The following PHACTR1 variants were observed in gnomAD, a reference collection of about 807,000 sequenced individuals.
PHACTR1 encodes phosphatase and actin regulator 1.
Under a neutral mutation model 69.2 loss-of-function variants are expected in PHACTR1, and 16 were observed. The ratio of observed to expected loss-of-function variants is 0.23; its 90% CI spans 0.16 to 0.35. The LOEUF is 0.35. Ranked by LOEUF, PHACTR1 falls within the 10% of genes least tolerant of loss-of-function variation. The pLI, the probability that PHACTR1 is intolerant of heterozygous loss-of-function variation, is 1.00. For missense variants in PHACTR1, 510 were observed against 734.7 expected, an observed-to-expected ratio of 0.69 and a Z score of 3.54; for synonymous variants, 312 against 284.5, an observed-to-expected ratio of 1.10 and a Z score of -0.97.
At chr6:13,271,436 A>G (rs1338970496) in intron 10 of PHACTR1, among the ~76,000 whole-genome samples, 1 of 152,134 alleles carries the variant, frequency 6.6e-6, no homozygotes, top group Non-Finnish European at 1.5e-5. Flanking sequence ...CACAGAAGCA[A>G]TTGATTCTGG....
chr6:12,970,920 A>G (rs938069618), intron 4 of PHACTR1, among the ~76,000 whole-genome samples: 2 of 152,234 alleles, frequency 1.3e-5, no homozygotes, highest in Non-Finnish European at 2.9e-5. Flanking sequence ...TGGGTAGCTC[A>G]TGTGCATGAA....
At chr6:13,061,644 C>T (rs764314029) in intron 5 of PHACTR1, among the ~76,000 whole-genome samples, 42 of 152,108 alleles carry the variant, frequency 2.8e-4, no homozygotes, top group Non-Finnish European at 4.9e-4. Flanking sequence ...ATTCAAAACA[C>T]GGTAAATGAT....
chr6:12,913,939 G>A (rs544787213), intron 4 of PHACTR1, among the ~76,000 whole-genome samples: 1 of 152,156 alleles, frequency 6.6e-6, no homozygotes. Context: ...TGAGTGGTCT[G>A]AGACAACTTC....
rs976762530 is a variant in PHACTR1 at position 12,925,156 on chromosome 6, A to G, written c.251-128209A>G. ...ATATACAATCGAATATCTCATAAGA[A>G]ATGTGCAATGCAAACTTCAAGAACA... On this transcript the variant is annotated intron_variant, in intron 4 of 14. Transcript: ENST00000332995. Among the ~76,000 whole-genome samples, 5 of 152,258 alleles carry G rather than the reference A, an allele frequency of 3.3e-5. No individual in the cohort carries two copies. In the East Asian group the frequency reaches 9.6e-4, roughly 29 times the overall value.
chr6:13,171,003 A>C (rs998689242), intron 6 of PHACTR1, among the ~76,000 whole-genome samples: 1 of 152,132 alleles, frequency 6.6e-6, no homozygotes, highest in Non-Finnish European at 1.5e-5. Flanking sequence ...TAAAGGACAT[A>C]ATCCCGTTTG....
intron 5 of PHACTR1, among the ~76,000 whole-genome samples, chr6:13,061,042 C>T (rs1039816096): frequency 6.6e-6 from 1 of 152,152 alleles, no homozygotes; most frequent in Non-Finnish European, 1.5e-5. Flanking sequence ...TCATGCCTCT[C>T]TCCTCCCTGC....
At chr6:13,177,176 A>T (rs1486539018) in intron 6 of PHACTR1, among the ~76,000 whole-genome samples, 1 of 56,452 alleles carries the variant, frequency 1.8e-5, no homozygotes, top group African/African-American at 3.7e-5. Context: ...CATCTCTAAA[A>T]AAAAAAAAAA....
chr6:12,823,021 A>C (rs1371512943), intron 4 of PHACTR1, among the ~76,000 whole-genome samples: 1 of 152,190 alleles, frequency 6.6e-6, no homozygotes, highest in Non-Finnish European at 1.5e-5. Flanking sequence ...TTTACTGAAC[A>C]ATATTGTGTT....
chr6:13,114,235 TAC>T (rs1307950105), intron 5 of PHACTR1, among the ~76,000 whole-genome samples: 2 of 152,274 alleles, frequency 1.3e-5, no homozygotes, highest in East Asian at 3.9e-4. Flanking sequence ...CAGAAAAGAA[TAC>T]AGTTATTTTT....
At chr6:13,203,522 A>G (rs1765509049) in intron 7 of PHACTR1, among the ~76,000 whole-genome samples, 1 of 152,212 alleles carries the variant, frequency 6.6e-6, no homozygotes, top group African/African-American at 2.4e-5. Context: ...CATTCCTGCT[A>G]TCATCATTAA....
intron 8 of PHACTR1, among the ~76,000 whole-genome samples, chr6:13,207,445 A>G (rs1766102759): frequency 6.6e-6 from 1 of 152,282 alleles, no homozygotes; most frequent in South Asian, 2.1e-4. Context: ...TTTCACCAGA[A>G]TATGCCTCCA....
At chr6:12,731,578 T>C (rs540661685) in intron 3 of PHACTR1, among the ~76,000 whole-genome samples, 99 of 152,326 alleles carry the variant, frequency 6.5e-4, no homozygotes, top group African/African-American at 2.2e-3. Context: ...GTAAGCAGAC[T>C]CAGACTATGT....
chr6:13,232,160 A>G (rs1457998088), intron 10 of PHACTR1, among the ~76,000 whole-genome samples: 1 of 152,234 alleles, frequency 6.6e-6, no homozygotes, highest in Non-Finnish European at 1.5e-5. Flanking sequence ...TATCTGGCCC[A>G]TAGCAAGCAA....
Position 12,904,023 on chromosome 6 carries a change from A to G in PHACTR1, c.251-149342A>G, listed in dbSNP as rs529455620. Among the ~76,000 whole-genome samples, 26 of 152,310 alleles carry G rather than the reference A, an allele frequency of 1.7e-4. 1 individual carries two copies. Among genetic ancestry groups the G allele is most frequent in the African/African-American group, 5.8e-4 (24 of 41,562 alleles). On this transcript the variant is annotated intron_variant, in intron 4 of 14. Transcript: ENST00000332995. ...TTTAGTGGAGAGTTTGCTTATTATT[A>G]TTTTGACACAATGCCTGCATTCATT...
At chr6:13,241,257 G>C (rs1169639417) in intron 10 of PHACTR1, among the ~76,000 whole-genome samples, 2 of 152,208 alleles carry the variant, frequency 1.3e-5, no homozygotes, top group Non-Finnish European at 2.9e-5. Flanking sequence ...TTGCATTTCA[G>C]TAATACCTGT....
Position 12,785,444 on chromosome 6 carries a change from G to A in PHACTR1, c.250+35654G>A, listed in dbSNP as rs6937537. On this transcript the variant is annotated intron_variant, in intron 4 of 14. Transcript: ENST00000332995. ...GGAAGGAAACCTTAGACATAGTTAC[G>A]TCTTATGCCTGGATGTCTTGAAGCA... 9.0e-3 allele frequency among the ~76,000 whole-genome samples: 1,374 copies of A among 152,272 alleles called. 19 individuals carry two copies. The highest frequency in any genetic ancestry group is 0.031 in the African/African-American group (1,303 of 41,520).
At chr6:13,281,580 A>G in intron 12 of PHACTR1, 1 of 182,948 alleles carries the variant, frequency 5.5e-6, no homozygotes, top group Non-Finnish European at 1.2e-5. Context: ...GAAGAAAAGA[A>G]AATAACACTT....
At chr6:13,234,896 G>A (rs903543853) in intron 10 of PHACTR1, among the ~76,000 whole-genome samples, 2 of 152,224 alleles carry the variant, frequency 1.3e-5, no homozygotes, top group African/African-American at 4.8e-5. Flanking sequence ...AGAGGACCAA[G>A]GGGTGGTGAA....
At chr6:12,936,271 T>C (rs6940481) in intron 4 of PHACTR1, among the ~76,000 whole-genome samples, 22,432 of 152,102 alleles carry the variant, frequency 0.15, 3,554 homozygotes, top group African/African-American at 0.4. Flanking sequence ...TCTGGAGTTG[T>C]GCTAGCCACC....
Sources: allele counts gnomAD v4.1 joint callset (sites outside exome capture counted in the v4.1 genomes callset), GRCh38; gene constraint gnomAD v4.1.1; transcripts MANE v1.5; gene names NCBI Gene and HGNC (gene_info 2026-07-23, HGNC 2026-07-21).